TENM2: variants seen among roughly 807,000 people sequenced by gnomAD.
TENM2 encodes the protein teneurin transmembrane protein 2, also known as teneurin-2.
Under a neutral mutation model 245.2 loss-of-function variants are expected in TENM2, and 52 were observed. That is an observed-to-expected ratio of 0.21 (90% CI 0.17 to 0.27). TENM2 has a LOEUF of 0.27. Ranked by LOEUF, TENM2 falls within the 10% of genes least tolerant of loss-of-function variation. The pLI, the probability that TENM2 is intolerant of heterozygous loss-of-function variation, is 1.00. For missense variants in TENM2, 3,046 were observed against 3,666.8 expected (o/e 0.83, Z 4.37); for synonymous variants, 1,363 against 1,438.9 (o/e 0.95, Z 1.19).
chr5:167,886,358 G>A (rs1262638798), intron 3 of TENM2, among the ~76,000 whole-genome samples: 1 of 152,072 alleles, frequency 6.6e-6, no homozygotes, highest in Admixed American at 6.6e-5. Context: ...TTACCGCATG[G>A]CCCAGCTCTG....
rs564240280 is a variant in TENM2, at chr5:167,961,684, T to C, written c.947+8862T>C. On this transcript the variant is annotated intron_variant, in intron 4 of 28. Coordinates refer to ENST00000518659, the Ensembl canonical transcript of TENM2. ...CAAGCCTGAAAACAATCCTATGAAG[T>C]AGGAAGGGACTTTTATTATGGCCAT... is the stretch of plus-strand genomic sequence containing the variant. 9.9e-5 allele frequency among the ~76,000 whole-genome samples: 15 copies of C among 152,236 alleles called. No individual in the cohort carries two copies. The South Asian group carries it at 3.1e-3, about 32-fold the overall frequency.
At chr5:167,714,372 C>G (rs963945407) in intron 2 of TENM2, among the ~76,000 whole-genome samples, 2 of 152,198 alleles carry the variant, frequency 1.3e-5, no homozygotes, top group Non-Finnish European at 2.9e-5. Context: ...GATCTTATCT[C>G]TGCTCTTTCT....
intron 2 of TENM2, among the ~76,000 whole-genome samples, chr5:167,496,231 C>T (rs11748124): frequency 0.67 from 101,569 of 151,874 alleles, 35,396 homozygotes; most frequent in Non-Finnish European, 0.79. Flanking sequence ...TTTAGTTCCC[C>T]GAACTTTTCA....
chr5:168,146,926 G>A (rs766789241), intron 12 of TENM2, among the ~76,000 whole-genome samples: 1 of 152,184 alleles, frequency 6.6e-6, no homozygotes, highest in Non-Finnish European at 1.5e-5. Flanking sequence ...GGGCATCAGG[G>A]GACCCCCCCT....
chr5:167,050,912 C>G, the TENM2 span, among the ~76,000 whole-genome samples: 1 of 152,258 alleles, frequency 6.6e-6, no homozygotes, highest in Non-Finnish European at 1.5e-5. Flanking sequence ...TTTATAAGTT[C>G]TGGCAAAAGT....
At chr5:167,970,654 G>T (rs537916553) in intron 4 of TENM2, among the ~76,000 whole-genome samples, 15 of 152,256 alleles carry the variant, frequency 9.9e-5, no homozygotes, top group Admixed American at 1.3e-4. Flanking sequence ...GTGTGTGTAG[G>T]TGAGACAGAT....
intron 5 of TENM2, among the ~76,000 whole-genome samples, chr5:168,045,274 A>G (rs1788517879): frequency 6.6e-6 from 1 of 152,214 alleles, no homozygotes. Context: ...TAAAAAATAA[A>G]AATAAAAAGA....
chr5:167,185,915 C>A, the TENM2 span, among the ~76,000 whole-genome samples: 1 of 152,106 alleles, frequency 6.6e-6, no homozygotes, highest in African/African-American at 2.4e-5. Flanking sequence ...GAAATTACTA[C>A]CCGCTGCTCC....
chr5:167,738,707 T>G (rs1760972052), intron 2 of TENM2, among the ~76,000 whole-genome samples: 1 of 151,984 alleles, frequency 6.6e-6, no homozygotes, highest in Admixed American at 6.6e-5. Context: ...CAGGTGTGGT[T>G]TTTCCTGAGA....
chr5:167,399,433 C>T (rs1176402925), intron 2 of TENM2, among the ~76,000 whole-genome samples: 1 of 152,158 alleles, frequency 6.6e-6, no homozygotes, highest in Non-Finnish European at 1.5e-5. Flanking sequence ...ATTCTGAACA[C>T]AAGTTATCAA....
intron 5 of TENM2, among the ~76,000 whole-genome samples, chr5:168,030,637 A>G (rs766774758): frequency 6.6e-6 from 1 of 152,106 alleles, no homozygotes; most frequent in Non-Finnish European, 1.5e-5. Context: ...GTCTCTTCAG[A>G]ATCATTGTAT....
At chr5:167,400,286 C>T (rs1023845715) in intron 2 of TENM2, among the ~76,000 whole-genome samples, 1 of 151,972 alleles carries the variant, frequency 6.6e-6, no homozygotes, top group Non-Finnish European at 1.5e-5. Context: ...AGGGAAGTTT[C>T]AGAGGCAACT....
At chr5:167,569,150 C>T (rs1048337073) in intron 2 of TENM2, among the ~76,000 whole-genome samples, 3 of 127,166 alleles carry the variant, frequency 2.4e-5, no homozygotes, top group Admixed American at 9.1e-5. Context: ...GCCATAGCTA[C>T]ATCATTCATA....
the TENM2 span, among the ~76,000 whole-genome samples, chr5:167,040,534 C>T: frequency 6.6e-6 from 1 of 151,982 alleles, no homozygotes; most frequent in Non-Finnish European, 1.5e-5. Context: ...AGATGACAAA[C>T]TTGCAGATAC....
intron 16 of TENM2, 149 bp downstream of exon 18, chr5:168,199,263 A>G: frequency 1.2e-6 from 1 of 862,686 alleles, no homozygotes; most frequent in South Asian, 1.8e-5. Flanking sequence ...ACCAGAGATG[A>G]AAGTTTGAAT....
At chr5:167,400,270 T>G (rs1762287847) in intron 2 of TENM2, among the ~76,000 whole-genome samples, 1 of 151,464 alleles carries the variant, frequency 6.6e-6, no homozygotes, top group Admixed American at 6.6e-5. Context: ...AGGAGTGAGG[T>G]GGAGGAGGGA....
At chr5:167,760,371 A>C (rs1001648303) in intron 2 of TENM2, among the ~76,000 whole-genome samples, 1 of 152,218 alleles carries the variant, frequency 6.6e-6, no homozygotes, top group Admixed American at 6.5e-5. Context: ...AGAATTTAAT[A>C]CACTGTTGGA....
At chr5:167,551,551 T>A (rs1772943155) in intron 2 of TENM2, among the ~76,000 whole-genome samples, 1 of 152,182 alleles carries the variant, frequency 6.6e-6, no homozygotes. Flanking sequence ...TAGGTTATTT[T>A]ATTTCTCCAT....
chr5:167,202,393 A>AGT, the TENM2 span, among the ~76,000 whole-genome samples: 2 of 152,118 alleles, frequency 1.3e-5, no homozygotes, highest in African/African-American at 4.8e-5. Flanking sequence ...TGCTCAGCAA[A>AGT]GAATCTACCT....
Sources: allele counts gnomAD v4.1 joint callset (sites outside exome capture counted in the v4.1 genomes callset), GRCh38; gene constraint gnomAD v4.1.1; transcripts MANE v1.5; gene names NCBI Gene and HGNC (gene_info 2026-07-23, HGNC 2026-07-21).